The following RCC1L variants were observed in gnomAD, a reference collection of about 807,000 sequenced individuals.
RCC1L encodes RCC1-like G exchanging factor-like protein.
A neutral mutation model predicts 58.6 loss-of-function variants in RCC1L; 46 were observed. The ratio of observed to expected loss-of-function variants is 0.79; its 90% confidence interval spans 0.62 to 1.00. The LOEUF (loss-of-function observed/expected upper bound fraction) is 1.00, where lower values mean the gene tolerates loss of function less well. RCC1L is among the 50% of genes least tolerant of loss of function. The pLI is 0.00. For missense variants in RCC1L, 636 were observed against 623.6 expected, an observed-to-expected ratio of 1.02 and a Z score of -0.21; for synonymous variants, 281 against 262.9, an observed-to-expected ratio of 1.07 and a Z score of -0.67.
chr7:75,042,163 TAAG>T (rs1326355011), downstream of RCC1L: 3 of 984,594 alleles, frequency 3.0e-6, no homozygotes, highest in South Asian at 4.7e-5. Flanking sequence ...AAGTAAGATT[TAAG>T]AAGATCTCTT....
intron 3 of RCC1L, 166 bp from the exon 4 acceptor site, chr7:75,064,814 C>G: frequency 1.3e-6 from 1 of 754,152 alleles, no homozygotes; most frequent in Non-Finnish European, 2.4e-6. Context: ...CAGAAACTCA[C>G]AAGGGGCATG....
chr7:75,064,353 C>T (rs979972706), intron 4 of RCC1L, among the ~76,000 whole-genome samples: 6 of 151,280 alleles, frequency 4.0e-5, no homozygotes, highest in East Asian at 3.9e-4. Flanking sequence ...AAAATTTATC[C>T]GGAGGTTTTA....
chr7:75,042,879 A>G lies in RCC1L; in HGVS notation c.*153T>C. 1 of 1,477,070 alleles carries G rather than the reference A, an allele frequency of 6.8e-7. No homozygotes were observed. The highest frequency in any genetic ancestry group is 1.4e-5 in the African/African-American group (1 of 71,520). 91.5% of individuals were successfully genotyped at this position (1,477,070 alleles called of 1,614,324 possible). A position where few individuals can be genotyped will look rare whatever the true frequency, so the allele number is the denominator to read the frequency against. ...CCTTGCCCTGATCCTCCTGGTAGGT[A>G]CCCGCTAAGGGATTCAGGACAGAGC... On this transcript the variant is annotated 3_prime_UTR_variant, in exon 11 of 11. Coordinates refer to ENST00000610322, the MANE Select transcript of RCC1L (RefSeq NM_030798.5).
downstream of RCC1L, among the ~76,000 whole-genome samples, chr7:75,037,419 C>T (rs957838180): frequency 2.4e-4 from 36 of 152,006 alleles, no homozygotes; most frequent in Admixed American, 5.2e-4. Context: ...GAACTCCTGA[C>T]CTCAGGTGAT....
chr7:75,046,494 G>C (rs1046941888), intron 10 of RCC1L, among the ~76,000 whole-genome samples: 2 of 152,182 alleles, frequency 1.3e-5, no homozygotes, highest in Admixed American at 6.5e-5. Context: ...TCTCTGCTGC[G>C]GGTGGCCTGG....
At chr7:75,051,173 G>GA (rs1554443296) in intron 10 of RCC1L, among the ~76,000 whole-genome samples, 15,287 of 139,962 alleles carry the variant, frequency 0.11, 978 homozygotes, top group Middle Eastern at 0.27. Context: ...GATAGTCTTG[G>GA]AAAAAATATA....
intron 7 of RCC1L, chr7:75,058,228 C>T (rs1474054864): frequency 5.6e-5 from 18 of 322,006 alleles, no homozygotes; most frequent in Admixed American, 9.4e-5. Flanking sequence ...TGAGCCACCA[C>T]GCCCAGCCTA....
At chr7:75,046,383 C>T (rs1236157586) in intron 10 of RCC1L, among the ~76,000 whole-genome samples, 1 of 152,232 alleles carries the variant, frequency 6.6e-6, no homozygotes, top group Non-Finnish European at 1.5e-5. Flanking sequence ...ATTTACCTTT[C>T]CCGGGACAGT....
chr7:75,033,094 AGAT>A (rs1401595119), intron 10 of RCC1L, among the ~76,000 whole-genome samples: 7 of 146,282 alleles, frequency 4.8e-5, no homozygotes, highest in African/African-American at 1.7e-4. Flanking sequence ...AAAAAAAAAA[AGAT>A]AATTCCACTG....
At chr7:75,040,416 T>C (rs1032677816), downstream of RCC1L, among the ~76,000 whole-genome samples, 29 of 152,090 alleles carry the variant, frequency 1.9e-4, no homozygotes, top group Non-Finnish European at 4.1e-4. Context: ...GCTGAGATCA[T>C]GCCACTGCAC....
intron 4 of RCC1L, 97 bp downstream of exon 4, chr7:75,064,485 G>A: frequency 7.3e-7 from 1 of 1,362,600 alleles, no homozygotes; most frequent in South Asian, 1.2e-5. Context: ...TCTCAGGCAT[G>A]CCTCTGACCG....
chr7:75,058,704 C>T lies in RCC1L; in HGVS notation c.853G>A (p.Val285Ile), dbSNP rs1187558913. The change falls in exon 7 of 11, where the codon GTT becomes ATT. Residue 285 changes from valine (V) to isoleucine (I), a missense_variant. Val to Ile is a conservative substitution (Grantham distance 29). Coordinates refer to ENST00000610322, the MANE Select transcript of RCC1L (RefSeq NM_030798.5). ...KLGGDLAGVN[V>I]IQVATYGDCC... Reference sequence around the variant, plus strand: ...TCACCGTAGGTGGCAACTTGGATAACGTTCACTCCCGCCAGGTCTCCACCC... The same window carrying T: ...TCACCGTAGGTGGCAACTTGGATAATGTTCACTCCCGCCAGGTCTCCACCC... 2.7e-5 allele frequency: 44 copies of T among 1,613,876 alleles called. 1 individual carries two copies. In the Admixed American group the frequency reaches 4.2e-4, roughly 15 times the overall value.
At chr7:75,027,436 G>C (rs1805167877) in exon 11 of RCC1L, 1 of 153,966 alleles carries the variant, frequency 6.5e-6, no homozygotes, top group Non-Finnish European at 1.5e-5. Flanking sequence ...CTGAAGACCT[G>C]GGCCTGCTGA....
intron 10 of RCC1L, 139 bp from the exon 11 acceptor site, chr7:75,043,248 C>T: frequency 9.7e-7 from 1 of 1,026,896 alleles, no homozygotes; most frequent in Non-Finnish European, 1.5e-6. Context: ...GACAGCTTGT[C>T]TCAGTAGGAG....
At chr7:75,056,593 C>A in intron 8 of RCC1L, 1 of 1,534,490 alleles carries the variant, frequency 6.5e-7, no homozygotes, top group Admixed American at 2.0e-5. Context: ...GTTCTCCCAT[C>A]TGCCTTTGAT....
intron 1 of RCC1L, among the ~76,000 whole-genome samples, chr7:75,072,161 C>CATATACATATATATATATATAT (rs1455614533): frequency 3.9e-4 from 18 of 46,360 alleles, no homozygotes; most frequent in South Asian, 8.9e-4. Flanking sequence ...TATACATATA[C>CATATACATATATATATATATAT]ATATATATAT....
At chr7:75,061,387 T>A in intron 5 of RCC1L, 96 bp from the exon 6 acceptor site, 8 of 1,008,258 alleles carry the variant, frequency 7.9e-6, no homozygotes, top group Non-Finnish European at 1.3e-5. Context: ...CTGCCGCTCC[T>A]GGGCACCTGG....
chr7:75,038,834 C>A (rs1805484725), downstream of RCC1L, among the ~76,000 whole-genome samples: 1 of 152,180 alleles, frequency 6.6e-6, no homozygotes, highest in Admixed American at 6.5e-5. Flanking sequence ...TGTGAAGCCA[C>A]CTGTGCCAGT....
At chr7:75,061,107 A>T in intron 6 of RCC1L, 100 bp downstream of exon 6, 1 of 964,976 alleles carries the variant, frequency 1.0e-6, no homozygotes, top group Non-Finnish European at 1.7e-6. Flanking sequence ...GAGCTGAATT[A>T]AGGAAGAAGG....
Sources: allele counts gnomAD v4.1 joint callset (sites outside exome capture counted in the v4.1 genomes callset), GRCh38; gene constraint gnomAD v4.1.1; transcripts MANE v1.5; gene names NCBI Gene and HGNC (gene_info 2026-07-23, HGNC 2026-07-21).